ISLR2: variants seen among roughly 807,000 people sequenced by gnomAD.
ISLR2 encodes immunoglobulin superfamily containing leucine-rich repeat protein 2.
ISLR2 carries 16 observed loss-of-function variants against 25.5 expected under a neutral mutation model. The observed-to-expected ratio is 0.63, with a 90% CI of 0.43 to 0.95. The LOEUF is 0.95. ISLR2 is among the 40% of genes least tolerant of loss of function. The pLI is 0.00. For synonymous variants in ISLR2, 508 were observed against 486.6 expected (o/e 1.04, Z -0.58); for missense variants, 883 against 1,030.7 (o/e 0.86, Z 1.96).
At chr15:74,116,130 G>A (rs964947207) in intron 2 of ISLR2, among the ~76,000 whole-genome samples, 1 of 152,156 alleles carries the variant, frequency 6.6e-6, no homozygotes, top group African/African-American at 2.4e-5. Context: ...CCAGGAGGTC[G>A]AGGTTGCAGT....
At chr15:74,119,593 A>G (rs889673328) in intron 2 of ISLR2, among the ~76,000 whole-genome samples, 7 of 152,158 alleles carry the variant, frequency 4.6e-5, no homozygotes, top group Non-Finnish European at 1.0e-4. Flanking sequence ...CTAAGCAAAT[A>G]GATCTTAAAT....
At position 74,131,245 on chromosome 15, in the gene ISLR2, C is replaced by G. The variant is rs2072411588; in HGVS notation, c.-80C>G. 6.5e-6 allele frequency: 1 copy of G among 153,080 alleles called. No individual in the cohort carries two copies. The highest frequency in any genetic ancestry group is 1.9e-4 in the East Asian group (1 of 5,196). The allele number at this position is 153,080 out of a possible 1,614,324, so 9.5% of individuals were successfully genotyped here. A position where few individuals can be genotyped will look rare whatever the true frequency, so the allele number is the denominator to read the frequency against. On this transcript the variant is annotated 5_prime_UTR_variant, in exon 2 of 3. Coordinates refer to ENST00000453268, the MANE Select transcript of ISLR2 (RefSeq NM_020851.3). Reference sequence around the variant, plus strand: ...GTGTATCTTGCTTGGGCTATCTTCCCTGCTCTGCCACGCCGGGTCTGGAGA... The same window carrying G: ...GTGTATCTTGCTTGGGCTATCTTCCGTGCTCTGCCACGCCGGGTCTGGAGA...
chr15:74,131,725 C>G (rs2072424743), intron 2 of ISLR2, among the ~76,000 whole-genome samples: 1 of 152,178 alleles, frequency 6.6e-6, no homozygotes, highest in Non-Finnish European at 1.5e-5. Context: ...CCTGAGGGAC[C>G]TGAGAGGAAG....
rs1406856240 is a variant in ISLR2, at chr15:74,134,916, A to G, written c.2162A>G (p.Asp721Gly). 2 of 1,613,982 alleles carry G rather than the reference A, an allele frequency of 1.2e-6. No individual in the cohort carries two copies. The highest frequency in any genetic ancestry group is 1.7e-6 in the Non-Finnish European group (2 of 1,179,996). The change falls in exon 3 of 3, where the codon GAT becomes GGT. Residue 721 changes from aspartate to glycine, a missense_variant. Coordinates refer to ENST00000453268, the MANE Select transcript of ISLR2 (RefSeq NM_020851.3). ...TTCGAGGCGGGCTCTGAGTACAGCG[A>G]TCGGCTGCCCCTGGGCGCCGAGGCG... Reference protein sequence around the residue: ...EEFEAGSEYSDRLPLGAEAVN... With the variant: ...EEFEAGSEYSGRLPLGAEAVN...
rs2072569581 is a variant in ISLR2 at position 74,136,558 on chromosome 15, G to A, written c.*1566G>A. 2 of 157,688 alleles carry A rather than the reference G, an allele frequency of 1.3e-5. No homozygotes were observed. 9.8% of individuals were successfully genotyped at this position (157,688 alleles called of 1,614,324 possible). A position where few individuals can be genotyped will look rare whatever the true frequency, so the allele number is the denominator to read the frequency against. The stretch of plus-strand genomic sequence containing the variant: ...TGTGACCGTGTAGTGTAGGGGGGCG[G>A]GCGGGGGGGCGGATGGGCGGGGAGG... On this transcript the variant is annotated 3_prime_UTR_variant, in exon 3 of 3. Coordinates refer to ENST00000453268, the MANE Select transcript of ISLR2 (RefSeq NM_020851.3).
Position 74,134,104 on chromosome 15 carries a change from C to T in ISLR2, c.1350C>T (p.Leu450=), listed in dbSNP as rs751528701. The T allele has an allele frequency of 3.9e-5, 63 of 1,613,528 alleles. No homozygotes were observed. Among genetic ancestry groups the T allele is most frequent in the Middle Eastern group, 1.6e-4 (1 of 6,084 alleles). Residue 450 remains leucine, a synonymous_variant, in exon 3 of 3, where the codon CTC becomes CTT. Coordinates refer to ENST00000453268, the MANE Select transcript of ISLR2 (RefSeq NM_020851.3). ...SEGEEAEDQI[L]ADPAEEQRCG... ...GAGAGGAGGCCGAAGACCAGATCCT[C>T]GCGGACCCGGCGGAGGAGCAGCGCT...
intron 2 of ISLR2, among the ~76,000 whole-genome samples, chr15:74,131,659 GCTAGT>G (rs1381840932): frequency 6.6e-6 from 1 of 152,182 alleles, no homozygotes; most frequent in Non-Finnish European, 1.5e-5. Context: ...AGCTTCATTA[GCTAGT>G]GGCAGCCCCA....
intron 2 of ISLR2, among the ~76,000 whole-genome samples, chr15:74,118,096 T>A (rs918224924): frequency 1.3e-5 from 2 of 152,228 alleles, no homozygotes; most frequent in African/African-American, 4.8e-5. Flanking sequence ...ATAGGTTCTT[T>A]TCTATTTTCC....
At chr15:74,111,410 C>T (rs540489801) in intron 2 of ISLR2, among the ~76,000 whole-genome samples, 1 of 152,196 alleles carries the variant, frequency 6.6e-6, no homozygotes, top group South Asian at 2.1e-4. Flanking sequence ...GTGCCTCAGC[C>T]TCCCGAGTAG....
chr15:74,122,438 A>G (rs1046449217), intron 2 of ISLR2, among the ~76,000 whole-genome samples: 1 of 152,224 alleles, frequency 6.6e-6, no homozygotes, highest in African/African-American at 2.4e-5. Flanking sequence ...ACTGCTGTGC[A>G]TCTGTGGAAG....
intron 2 of ISLR2, among the ~76,000 whole-genome samples, chr15:74,114,579 C>G (rs1048817075): frequency 1.7e-4 from 26 of 150,542 alleles, no homozygotes; most frequent in African/African-American, 5.9e-4. Flanking sequence ...GCCGAGATGG[C>G]GCCACTTGGG....
chr15:74,110,260 G>A (rs1182834236), intron 2 of ISLR2, among the ~76,000 whole-genome samples: 3 of 152,252 alleles, frequency 2.0e-5, no homozygotes, highest in Admixed American at 6.5e-5. Context: ...CTCATACATC[G>A]CTGGTGGGAA....
At position 74,134,462 on chromosome 15, in the gene ISLR2, C is replaced by T. The variant is rs1358010268; in HGVS notation, c.1708C>T (p.Leu570=). Residue 570 remains leucine (L), a synonymous_variant, in exon 3 of 3, where the codon CTG becomes TTG. Transcript: ENST00000453268. The part of the protein sequence containing the change: ...PGTNYSVCLA[L]AGEACHVQVV... ...TACCAACTACTCCGTGTGCCTGGCG[C>T]TGGCGGGCGAAGCCTGCCACGTGCA... 6.2e-7 allele frequency: 1 copy of T among 1,609,254 alleles called. No individual in the cohort carries two copies. Among genetic ancestry groups the T allele is most frequent in the African/African-American group, 1.3e-5 (1 of 75,050 alleles).
chr15:74,108,057 C>T (rs1397386253), intron 2 of ISLR2, among the ~76,000 whole-genome samples: 5 of 152,124 alleles, frequency 3.3e-5, no homozygotes, highest in Admixed American at 2.6e-4. Flanking sequence ...TGGGAGGTGT[C>T]GACAGCCCTG....
At chr15:74,128,060 G>A, upstream of ISLR2, 1 of 204,536 alleles carries the variant, frequency 4.9e-6, no homozygotes, top group Non-Finnish European at 9.8e-6. Context: ...CGTGGGCGGC[G>A]GCGGGATGAG....
Position 74,136,473 on chromosome 15 carries a change from G to A in ISLR2, c.*1481G>A. On this transcript the variant is annotated 3_prime_UTR_variant, in exon 3 of 3. Transcript: ENST00000453268. Reference sequence around the variant, plus strand: ...CCCTGCTTCGGCGGGAATCGTGTTTGCCCGGCGTGTAGTCCCTGACAAGCG... The same window carrying A: ...CCCTGCTTCGGCGGGAATCGTGTTTACCCGGCGTGTAGTCCCTGACAAGCG... The A allele has an allele frequency of 6.1e-6, 1 of 164,666 alleles. No individual in the cohort carries two copies. 10.2% of individuals were successfully genotyped at this position (164,666 alleles called of 1,614,324 possible).
rs2072465835 is a variant in ISLR2, at chr15:74,133,112, C to A, written c.358C>A (p.Arg120Ser). 1.2e-6 allele frequency: 2 copies of A among 1,612,652 alleles called. No homozygotes were observed. The highest frequency in any genetic ancestry group is 2.2e-5 in the East Asian group (1 of 44,888). ...ATCCAGCTTTCCGTGGAGCGACCTG[C>A]GCAACCTGAGCGCGCTGCAGCTGCT... ...FISSFPWSDL[R>S]NLSALQLLKM... is the part of the protein sequence containing the mutation. Residue 120 changes from arginine to serine, a missense_variant, in exon 3 of 3, where the codon CGC becomes AGC. Physicochemically the swap from Arg to Ser is moderately radical, Grantham distance 110. Around this residue, in one of 2 missense-constraint regions of ISLR2, gnomAD observed 271 missense variants for 387.9 expected, o/e 0.70. Transcript: ENST00000453268.
intron 2 of ISLR2, among the ~76,000 whole-genome samples, chr15:74,120,399 T>C (rs1001322767): frequency 2.0e-5 from 3 of 151,584 alleles, no homozygotes; most frequent in African/African-American, 7.3e-5. Flanking sequence ...CGTGTGCCTG[T>C]AATCCCAAGC....
chr15:74,109,572 T>A (rs1249592317), intron 2 of ISLR2, among the ~76,000 whole-genome samples: 1 of 152,142 alleles, frequency 6.6e-6, no homozygotes, highest in Non-Finnish European at 1.5e-5. Flanking sequence ...CGGGGATGAA[T>A]TGATTTTTAC....
Sources: allele counts gnomAD v4.1 joint callset (sites outside exome capture counted in the v4.1 genomes callset), GRCh38; gene constraint gnomAD v4.1.1; regional missense constraint gnomAD v4.1.1; transcripts MANE v1.5; gene names NCBI Gene and HGNC (gene_info 2026-07-23, HGNC 2026-07-21).